The following TMEFF1 variants were observed in gnomAD, a reference collection of about 807,000 sequenced individuals.
TMEFF1 encodes transmembrane protein with EGF like and two follistatin like domains 1, also known as tomoregulin-1.
A neutral mutation model predicts 47.5 loss-of-function variants in TMEFF1; 20 were observed. The ratio of observed to expected loss-of-function variants is 0.42; its 90% CI spans 0.30 to 0.61. The LOEUF (loss-of-function observed/expected upper bound fraction) is 0.61, where lower values mean the gene tolerates loss of function less well. Among genes scored for constraint, TMEFF1 ranks in the 20% least tolerant of loss-of-function variants. The pLI is 0.19. For missense variants in TMEFF1, 411 were observed against 471.1 expected (o/e 0.87, Z 1.18); for synonymous variants, 162 against 166.3 (o/e 0.97, Z 0.20).
chr9:100,491,498 A>G (rs938428843), intron 1 of TMEFF1, among the ~76,000 whole-genome samples: 13 of 152,240 alleles, frequency 8.5e-5, no homozygotes, highest in African/African-American at 3.1e-4. Flanking sequence ...CTTAGGGAAC[A>G]TTAATTTATA....
intron 4 of TMEFF1, among the ~76,000 whole-genome samples, chr9:100,514,539 C>A (rs532676463): frequency 6.6e-6 from 1 of 151,886 alleles, no homozygotes; most frequent in South Asian, 2.1e-4. Context: ...GAGAGTTGAT[C>A]TCAAGATTTG....
At chr9:100,485,076 C>T (rs1339629006) in intron 1 of TMEFF1, among the ~76,000 whole-genome samples, 2 of 152,186 alleles carry the variant, frequency 1.3e-5, no homozygotes, top group Non-Finnish European at 2.9e-5. Flanking sequence ...TTTCTCTTAG[C>T]ATGATGTTTT....
chr9:100,543,857 C>T (rs971223619), intron 5 of TMEFF1, among the ~76,000 whole-genome samples: 1 of 152,062 alleles, frequency 6.6e-6, no homozygotes, highest in African/African-American at 2.4e-5. Context: ...TAGTCCTTGA[C>T]CCCTTAAAAT....
At chr9:100,568,430 TTA>T (rs1839167205) in intron 8 of TMEFF1, among the ~76,000 whole-genome samples, 1 of 152,222 alleles carries the variant, frequency 6.6e-6, no homozygotes, top group Non-Finnish European at 1.5e-5. Context: ...ATAATGTTCT[TTA>T]TGTTAGAAGG....
At chr9:100,503,513 C>T (rs1027663959) in intron 2 of TMEFF1, among the ~76,000 whole-genome samples, 1 of 149,728 alleles carries the variant, frequency 6.7e-6, no homozygotes, top group African/African-American at 2.5e-5. Context: ...CTTTATTAGT[C>T]ACAGTTCTCC....
chr9:100,476,232 T>C (rs1201931280), intron 1 of TMEFF1, among the ~76,000 whole-genome samples: 1 of 152,328 alleles, frequency 6.6e-6, no homozygotes, highest in East Asian at 1.9e-4. Context: ...GATGAAGATT[T>C]GGGAACGATT....
intron 5 of TMEFF1, among the ~76,000 whole-genome samples, chr9:100,519,797 C>G (rs1838132227): frequency 6.6e-6 from 1 of 151,844 alleles, no homozygotes. Context: ...TAGCTGGCAT[C>G]TAGAAATCAA....
At chr9:100,519,953 A>G (rs77974647) in intron 5 of TMEFF1, among the ~76,000 whole-genome samples, 11 of 152,100 alleles carry the variant, frequency 7.2e-5, no homozygotes, top group African/African-American at 2.7e-4. Context: ...AATTCTGTGG[A>G]ATAGTACTTA....
chr9:100,574,582 G>A (rs1274583026), intron 9 of TMEFF1, among the ~76,000 whole-genome samples: 1 of 151,288 alleles, frequency 6.6e-6, no homozygotes, highest in Admixed American at 6.6e-5. Flanking sequence ...TGGCCATGTT[G>A]CCGAGGCTGG....
intron 5 of TMEFF1, among the ~76,000 whole-genome samples, chr9:100,526,642 T>G (rs977783387): frequency 6.6e-6 from 1 of 152,314 alleles, no homozygotes; most frequent in East Asian, 1.9e-4. Context: ...TTCTATCTAT[T>G]GAAAGAGTGA....
At chr9:100,478,480 A>AT (rs1168457100) in intron 1 of TMEFF1, among the ~76,000 whole-genome samples, 3 of 152,066 alleles carry the variant, frequency 2.0e-5, no homozygotes, top group Middle Eastern at 3.2e-3. Flanking sequence ...CACTCGGCTA[A>AT]TTTTTTGTGT....
At chr9:100,485,439 T>C (rs1369797879) in intron 1 of TMEFF1, among the ~76,000 whole-genome samples, 1 of 152,254 alleles carries the variant, frequency 6.6e-6, no homozygotes, top group East Asian at 1.9e-4. Context: ...TGCCAAACTA[T>C]TGTAAATGGT....
intron 5 of TMEFF1, among the ~76,000 whole-genome samples, chr9:100,531,949 T>C (rs994985202): frequency 6.7e-6 from 1 of 149,940 alleles, no homozygotes; most frequent in African/African-American, 2.4e-5. Flanking sequence ...TATCTACAAC[T>C]ATCTGATCTT....
chr9:100,512,011 G>C (rs1837976933), intron 3 of TMEFF1, among the ~76,000 whole-genome samples: 1 of 152,200 alleles, frequency 6.6e-6, no homozygotes, highest in African/African-American at 2.4e-5. Flanking sequence ...ATTGGGAGTA[G>C]TATCTTGTGT....
rs191623637 is a variant in TMEFF1, at chr9:100,553,089, G to T, written c.775+2929G>T. On this transcript the variant is annotated intron_variant, in intron 7 of 9. Transcript: ENST00000374879. ...GAGTACACAGAAGCTACAAGGGAAA[G>T]GATGGCCAATAGCTTAAAAAACTAC... 3.7e-3 allele frequency among the ~76,000 whole-genome samples: 570 copies of T among 152,240 alleles called. 2 individuals carry two copies. The highest frequency in any genetic ancestry group is 0.014 in the Middle Eastern group (4 of 294).
chr9:100,535,793 C>T (rs1008037383), intron 5 of TMEFF1, among the ~76,000 whole-genome samples: 5 of 152,084 alleles, frequency 3.3e-5, no homozygotes, highest in African/African-American at 1.2e-4. Flanking sequence ...AACTAACAAC[C>T]ACAAAGAAGA....
At position 100,473,993 on chromosome 9, in the gene TMEFF1, G is replaced by A. The variant is rs1564259212; in HGVS notation, c.196+253G>A. On this transcript the variant is annotated intron_variant, in intron 1 of 9. Coordinates refer to ENST00000374879, the MANE Select transcript of TMEFF1 (RefSeq NM_003692.5). This position sits in a 1 kb window ranked among gnomAD's most constrained non-coding sequence, Gnocchi z 5.4. Reference sequence around the variant, plus strand: ...GCGAGGGCGGCCCGGCGTGTGGGGAGGCGGTGGGGCCGGGGCCGGGGCCGG... The same window carrying A: ...GCGAGGGCGGCCCGGCGTGTGGGGAAGCGGTGGGGCCGGGGCCGGGGCCGG... Among the ~76,000 whole-genome samples the A allele has an allele frequency of 6.6e-6, 1 of 151,520 alleles. No individual in the cohort carries two copies. Among genetic ancestry groups the A allele is most frequent in the Non-Finnish European group, 1.5e-5 (1 of 67,970 alleles).
At chr9:100,563,711 C>T (rs1054616580) in intron 8 of TMEFF1, among the ~76,000 whole-genome samples, 2 of 152,108 alleles carry the variant, frequency 1.3e-5, no homozygotes, top group South Asian at 2.1e-4. Flanking sequence ...ACTCTAAGCC[C>T]GTTAGTCAGG....
At chr9:100,574,334 G>C (rs1049094889) in intron 9 of TMEFF1, among the ~76,000 whole-genome samples, 4 of 152,118 alleles carry the variant, frequency 2.6e-5, no homozygotes, top group African/African-American at 9.7e-5. Context: ...TGAATGATTT[G>C]GAAGGCAGAA....
Sources: allele counts gnomAD v4.1 joint callset (sites outside exome capture counted in the v4.1 genomes callset), GRCh38; gene constraint gnomAD v4.1.1; non-coding constraint Gnocchi (gnomAD v3.1); transcripts MANE v1.5; gene names NCBI Gene and HGNC (gene_info 2026-07-23, HGNC 2026-07-21).